Variants in SLC22A14 observed in about 807,000 individuals in gnomAD.
The protein encoded by SLC22A14 is organic cation transporter-like 4.
Under a neutral mutation model 53.9 loss-of-function variants are expected in SLC22A14, and 50 were observed. The observed-to-expected ratio is 0.93, with a 90% CI of 0.74 to 1.17. SLC22A14 has a LOEUF of 1.17. SLC22A14 is among the 50% of genes most tolerant of loss of function. The pLI is 0.00. For synonymous variants in SLC22A14, 312 were observed against 303.0 expected (o/e 1.03, Z -0.31); for missense variants, 671 against 734.7 (o/e 0.91, Z 1.00).
intron 6 of SLC22A14, 66 bp downstream of exon 6, chr3:38,313,185 A>G (rs1704520986): frequency 1.9e-6 from 3 of 1,588,906 alleles, no homozygotes; most frequent in Admixed American, 3.5e-5. Flanking sequence ...TTCCCTCCTC[A>G]TCCTTTCAGG....
At chr3:38,316,299 C>G (rs781309539) in intron 9 of SLC22A14, 25 bp from the exon 10 acceptor site, 4 of 1,611,290 alleles carry the variant, frequency 2.5e-6, no homozygotes, top group Admixed American at 1.7e-5. Flanking sequence ...AGACCCCTCA[C>G]AGGAGCTCTC....
chr3:38,317,609 G>A (rs560024522), intron 10 of SLC22A14, among the ~76,000 whole-genome samples: 4 of 152,258 alleles, frequency 2.6e-5, no homozygotes, highest in East Asian at 3.9e-4. Context: ...TCCATGTGCC[G>A]CAACTTCCTA....
intron 1 of SLC22A14, among the ~76,000 whole-genome samples, chr3:38,300,940 G>T (rs982362163): frequency 2.6e-5 from 4 of 152,212 alleles, no homozygotes. Context: ...CACCCAGGGC[G>T]CTAGGACTAC....
At chr3:38,284,458 C>T (rs1703744825) in intron 1 of SLC22A14, among the ~76,000 whole-genome samples, 1 of 152,220 alleles carries the variant, frequency 6.6e-6, no homozygotes, top group Non-Finnish European at 1.5e-5. Flanking sequence ...CAGTGCCATC[C>T]CCAGCCAGGC....
At chr3:38,309,722 A>G (rs1704414255) in intron 5 of SLC22A14, among the ~76,000 whole-genome samples, 1 of 152,194 alleles carries the variant, frequency 6.6e-6, no homozygotes, top group African/African-American at 2.4e-5. Flanking sequence ...GAGATGCCAA[A>G]AGAAAGAAGG....
At chr3:38,293,232 G>T (rs1205068049) in intron 1 of SLC22A14, among the ~76,000 whole-genome samples, 3 of 152,154 alleles carry the variant, frequency 2.0e-5, no homozygotes, top group African/African-American at 7.2e-5. Context: ...TTTCTATTTG[G>T]ACAATCTTTT....
At chr3:38,289,622 T>A (rs1703867404) in intron 1 of SLC22A14, among the ~76,000 whole-genome samples, 1 of 152,172 alleles carries the variant, frequency 6.6e-6, no homozygotes, top group South Asian at 2.1e-4. Flanking sequence ...GCTACTAGTG[T>A]TCAGCTCGAT....
chr3:38,295,871 G>A (rs1370505376), intron 1 of SLC22A14, among the ~76,000 whole-genome samples: 1 of 151,826 alleles, frequency 6.6e-6, no homozygotes, highest in Non-Finnish European at 1.5e-5. Context: ...GCCCTGGCAA[G>A]GATGGTGGGG....
rs1041428112 is a variant in SLC22A14 at position 38,307,317 on chromosome 3, C to T, written c.580C>T (p.Leu194Phe). 1 of 1,614,054 alleles carries T rather than the reference C, an allele frequency of 6.2e-7. No individual in the cohort carries two copies. Among genetic ancestry groups the T allele is most frequent in the East Asian group, 2.2e-5 (1 of 44,884 alleles). Residue 194 changes from leucine to phenylalanine, a missense_variant, in exon 3 of 11, where the codon CTC becomes TTC. Coordinates refer to ENST00000448498, the MANE Select transcript of SLC22A14 (RefSeq NM_001320033.2). The surrounding 1 kb of genome is among the most constrained non-coding windows in gnomAD (Gnocchi z 4.4). ...DTAQIMFMAG[L>F]PIGSLIFRLI... Reference sequence around the variant, plus strand: ...TGCACAGATCATGTTCATGGCAGGGCTCCCGATAGGCTCTCTCATCTTCAG... The same window carrying T: ...TGCACAGATCATGTTCATGGCAGGGTTCCCGATAGGCTCTCTCATCTTCAG...
At chr3:38,279,485 G>C (rs1703622814), upstream of SLC22A14, among the ~76,000 whole-genome samples, 1 of 152,234 alleles carries the variant, frequency 6.6e-6, no homozygotes, top group South Asian at 2.1e-4. Context: ...GTTTTGCCAA[G>C]TTGGCCAGGC....
In SLC22A14 at chr3:38,316,397, A is replaced by G. The variant is rs974196095; in HGVS notation, c.1606A>G (p.Thr536Ala). 3.7e-6 allele frequency: 6 copies of G among 1,610,134 alleles called. No individual in the cohort carries two copies. The African/African-American group carries it at 5.4e-5, about 15-fold the overall frequency. The part of the protein sequence containing the change: ...AILSLTIISQ[T>A]PSLLPIFLCC... Reference sequence around the variant, plus strand: ...CTTGTCCCTGACAATCATCAGCCAGACCCCCTCCCTCCTGCCCATCTTTCT... The same window carrying G: ...CTTGTCCCTGACAATCATCAGCCAGGCCCCCTCCCTCCTGCCCATCTTTCT... The change falls in exon 10 of 11, where the codon ACC (threonine) becomes GCC (alanine). Residue 536 changes from threonine (T) to alanine (A), a missense_variant. Coordinates refer to ENST00000448498, the MANE Select transcript of SLC22A14 (RefSeq NM_001320033.2).
At chr3:38,312,497 C>T (rs755908021) in intron 5 of SLC22A14, among the ~76,000 whole-genome samples, 2 of 152,176 alleles carry the variant, frequency 1.3e-5, no homozygotes, top group Non-Finnish European at 2.9e-5. Context: ...GACCTTCACT[C>T]ACCCCTCCAT....
chr3:38,296,839 G>A (rs1704049886), intron 1 of SLC22A14, among the ~76,000 whole-genome samples: 1 of 152,202 alleles, frequency 6.6e-6, no homozygotes, highest in South Asian at 2.1e-4. Flanking sequence ...GCCTAATCCA[G>A]AGCAGCAATG....
At chr3:38,279,933 G>A (rs910062468), upstream of SLC22A14, among the ~76,000 whole-genome samples, 2 of 152,164 alleles carry the variant, frequency 1.3e-5, no homozygotes, top group African/African-American at 2.4e-5. Flanking sequence ...TTTGCAGGAT[G>A]GTAGGTAAGC....
chr3:38,291,429 G>A (rs1703911657), intron 1 of SLC22A14, among the ~76,000 whole-genome samples: 1 of 152,208 alleles, frequency 6.6e-6, no homozygotes, highest in African/African-American at 2.4e-5. Flanking sequence ...AGTAATAGAG[G>A]CTGATATTTA....
upstream of SLC22A14, among the ~76,000 whole-genome samples, chr3:38,281,359 A>G (rs1282913163): frequency 6.6e-6 from 1 of 152,084 alleles, no homozygotes; most frequent in Admixed American, 6.5e-5. Context: ...GTTGCTTATA[A>G]CAGACTGCTT....
At chr3:38,296,082 T>C (rs1704030433) in intron 1 of SLC22A14, among the ~76,000 whole-genome samples, 1 of 152,136 alleles carries the variant, frequency 6.6e-6, no homozygotes, top group Non-Finnish European at 1.5e-5. Context: ...TCGGAGGAAG[T>C]AGATTCAGAG....
At chr3:38,302,234 C>T (rs1385046901) in intron 1 of SLC22A14, among the ~76,000 whole-genome samples, 1 of 103,598 alleles carries the variant, frequency 9.7e-6, no homozygotes, top group East Asian at 2.6e-4. Context: ...GACTCTGTCT[C>T]AAAAAAAAAA....
Position 38,286,446 on chromosome 3 carries a change from G to A in SLC22A14, c.-1+4107G>A, listed in dbSNP as rs140820702. Among the ~76,000 whole-genome samples, 1,138 of 148,698 alleles carry A rather than the reference G, an allele frequency of 7.7e-3. 5 individuals are homozygous for A. The highest frequency in any genetic ancestry group is 0.024 in the Middle Eastern group (7 of 288). On this transcript the variant is annotated intron_variant, in intron 1 of 10. Coordinates refer to ENST00000448498, the MANE Select transcript of SLC22A14 (RefSeq NM_001320033.2). ...CTTTTTTTTTTTTTTAGACAGAGTC[G>A]CTCTGTCACCCAGGCTGGAGTGCAG...
Sources: gnomAD v4.1 joint callset for allele counts (sites outside exome capture counted in the v4.1 genomes callset) on GRCh38, gnomAD v4.1.1 for gene constraint, Gnocchi (gnomAD v3.1) non-coding constraint, MANE v1.5 for transcripts, NCBI Gene and HGNC (gene_info 2026-07-23, HGNC 2026-07-21) for gene names.